DNAAF2: variants seen among roughly 807,000 people sequenced by gnomAD.
The protein encoded by DNAAF2 is dynein axonemal assembly factor 2.
DNAAF2 carries 58 observed loss-of-function variants against 48.8 expected under a neutral mutation model. The ratio of observed to expected loss-of-function variants is 1.19; its 90% CI spans 0.96 to 1.48. The LOEUF (loss-of-function observed/expected upper bound fraction) is 1.48. Ranked by LOEUF, DNAAF2 falls within the 40% of genes most tolerant of loss-of-function variation. The pLI, the probability that DNAAF2 is intolerant of heterozygous loss-of-function variation, is 0.00. For missense variants in DNAAF2, 1,241 were observed against 1,116.1 expected, an observed-to-expected ratio of 1.11 and a Z score of -1.59; for synonymous variants, 567 against 481.2, an observed-to-expected ratio of 1.18 and a Z score of -2.33.
intron 1 of DNAAF2, among the ~76,000 whole-genome samples, chr14:49,632,717 G>C (rs1380090483): frequency 6.6e-6 from 1 of 151,898 alleles, no homozygotes; most frequent in East Asian, 1.9e-4. Flanking sequence ...AAAGTGCTGG[G>C]ATTACAAGCG....
Position 49,634,328 on chromosome 14 carries a change from TGA to T in DNAAF2, c.820_821del (p.Ala275ProfsTer7), listed in dbSNP as rs1267718786. ...DLQDYRCSRD[S>X]APSPVPHELV... is the part of the protein sequence containing the mutation. ...GCTCATGGGGCACGGGGCTCGGGGC[TGA>T]GTCCCTGGAGCAGCGGTAATCCTGG... is the stretch of plus-strand genomic sequence containing the variant. On this transcript the variant is annotated frameshift_variant, in exon 1 of 3. Transcript: ENST00000298292. LOFTEE classifies it high-confidence loss of function. 1.2e-6 allele frequency: 2 copies of T among 1,611,416 alleles called. No individual in the cohort carries two copies. The highest frequency in any genetic ancestry group is 2.7e-5 in the African/African-American group (2 of 74,886).
Position 49,634,853 on chromosome 14 carries a change from G to C in DNAAF2, c.297C>G (p.Gly99=). The C allele has an allele frequency of 6.5e-7, 1 of 1,545,940 alleles. No homozygotes were observed. Among genetic ancestry groups the C allele is most frequent in the Non-Finnish European group, 8.7e-7 (1 of 1,145,598 alleles). The change falls in exon 1 of 3, where the codon GGC becomes GGG. Residue 99 remains glycine, a synonymous_variant. Coordinates refer to ENST00000298292, the MANE Select transcript of DNAAF2 (RefSeq NM_018139.3). ...CGGAGCCGGGCCGGCTGCTGGGCGCGCCCACCAACGCGTTGCTGCAGACAT... is the reference window on the plus strand; with the variant it reads ...CGGAGCCGGGCCGGCTGCTGGGCGCCCCCACCAACGCGTTGCTGCAGACAT... ...FVNVCSNALV[G]APSSRPGSGG...
Position 49,628,036 on chromosome 14 carries a change from A to G in DNAAF2, c.1983T>C (p.Asp661=). The G allele has an allele frequency of 6.4e-7, 1 of 1,570,172 alleles. No individual in the cohort carries two copies. The change falls in exon 2 of 3, where the codon GAT becomes GAC. Residue 661 remains aspartate, a synonymous_variant. Coordinates refer to ENST00000298292, the MANE Select transcript of DNAAF2 (RefSeq NM_018139.3). The part of the protein sequence containing the change: ...PPLIEVLQVT[D]NKIQINAKLQ... ...CCTTTGCATTAATTTGAATCTTATT[A>G]TCAGTAACTTGAAGAACTTCAATTA... is the stretch of plus-strand genomic sequence containing the variant.
At position 49,633,584 on chromosome 14, in the gene DNAAF2, A is replaced by G; in HGVS notation, c.1566T>C (p.Cys522=). ...TGTCCTGATTACACAGTAACGGAGG[A>G]CACAAAGGCTCCCCGCTCTTGGTCC... The part of the protein sequence containing the change: ...GPGTKSGEPL[C]PPLLCNQDKE... Residue 522 remains cysteine (C), a synonymous_variant, in exon 1 of 3, where the codon TGT becomes TGC. Coordinates refer to ENST00000298292, the MANE Select transcript of DNAAF2 (RefSeq NM_018139.3). 6.2e-7 allele frequency: 1 copy of G among 1,613,946 alleles called. No homozygotes were observed. The highest frequency in any genetic ancestry group is 8.5e-7 in the Non-Finnish European group (1 of 1,179,892).
Position 49,633,441 on chromosome 14 carries a change from A to G in DNAAF2, c.1709T>C (p.Phe570Ser). The G allele has an allele frequency of 1.2e-6, 2 of 1,614,084 alleles. No homozygotes were observed. The highest frequency in any genetic ancestry group is 1.7e-6 in the Non-Finnish European group (2 of 1,179,902). Residue 570 changes from phenylalanine (F) to serine (S), a missense_variant, in exon 1 of 3, where the codon TTC becomes TCC. By Grantham distance (155) the Phe-to-Ser change is radical. Transcript: ENST00000298292. ...ATTCTCTGGAGCAAATTGCAAAAAG[A>G]AGGAATAAACTAAGTCTTGTGCGGA... is the stretch of plus-strand genomic sequence containing the variant. ...RFSAQDLVYS[F>S]FLQFAPENKL...
In DNAAF2 at chr14:49,633,809, C is replaced by G; in HGVS notation, c.1341G>C (p.Pro447=). The part of the protein sequence containing the change: ...EQDLSRHAGS[P]PGSVEEPSPG... ...GAGATGGCTCCTCCACGCTGCCCGGCGGTGACCCCGCGTGCCTGCTCAAGT... is the reference window on the plus strand; with the variant it reads ...GAGATGGCTCCTCCACGCTGCCCGGGGGTGACCCCGCGTGCCTGCTCAAGT... The change falls in exon 1 of 3, where the codon CCG becomes CCC. Residue 447 remains proline, a synonymous_variant. Coordinates refer to ENST00000298292, the MANE Select transcript of DNAAF2 (RefSeq NM_018139.3). 1 of 1,587,094 alleles carries G rather than the reference C, an allele frequency of 6.3e-7. No individual in the cohort carries two copies. The highest frequency in any genetic ancestry group is 8.5e-7 in the Non-Finnish European group (1 of 1,174,022).
rs533083141 is a variant in DNAAF2, at chr14:49,634,787, C to T, written c.363G>A (p.Leu121=). The T allele has an allele frequency of 1.9e-6, 3 of 1,576,296 alleles. No individual in the cohort carries two copies. Among genetic ancestry groups the T allele is most frequent in the East Asian group, 4.6e-5 (2 of 43,224 alleles). Residue 121 remains leucine (L), a synonymous_variant, in exon 1 of 3, where the codon CTG becomes CTA. Transcript: ENST00000298292. Reference sequence around the variant, plus strand: ...CGCGGCCGGGCGCCAGGCTGTAGGGCAGGGACCAGTGGCTGCCAGGAGCTG... The same window carrying T: ...CGCGGCCGGGCGCCAGGCTGTAGGGTAGGGACCAGTGGCTGCCAGGAGCTG... ...RGAAPGSHWS[L]PYSLAPGREY...
At position 49,634,876 on chromosome 14, in the gene DNAAF2, C is replaced by G. The variant is rs1416652175; in HGVS notation, c.274G>C (p.Val92Leu). Residue 92 changes from valine (V) to leucine (L), a missense_variant, in exon 1 of 3, where the codon GTC becomes CTC. Coordinates refer to ENST00000298292, the MANE Select transcript of DNAAF2 (RefSeq NM_018139.3). ...LDGARRCFVN[V>L]CSNALVGAPS... ...GCGCCCACCAACGCGTTGCTGCAGA[C>G]ATTCACAAAGCAGCGCCGCGCCCCG... is the stretch of plus-strand genomic sequence containing the variant. The G allele has an allele frequency of 6.5e-6, 10 of 1,549,068 alleles. No homozygotes were observed. The highest frequency in any genetic ancestry group is 2.0e-5 in the Admixed American group (1 of 50,958).
At chr14:49,631,807 C>T (rs1274197405) in intron 1 of DNAAF2, among the ~76,000 whole-genome samples, 9 of 152,164 alleles carry the variant, frequency 5.9e-5, no homozygotes, top group African/African-American at 2.2e-4. Context: ...TTGAAAGCCA[C>T]ATAACAGTCT....
Position 49,632,974 on chromosome 14 carries a change from T to C in DNAAF2, c.1863+313A>G, listed in dbSNP as rs1184102948. On this transcript the variant is annotated intron_variant, in intron 1 of 2. Coordinates refer to ENST00000298292, the MANE Select transcript of DNAAF2 (RefSeq NM_018139.3). The stretch of plus-strand genomic sequence containing the variant: ...TCTCCCTCTGTCGCCCAGGCTAGAG[T>C]GCAGTGGCGCGATCTTGGCTCACTG... Among the ~76,000 whole-genome samples, 3 of 151,872 alleles carry C rather than the reference T, an allele frequency of 2.0e-5. No homozygotes were observed. The East Asian group carries it at 5.8e-4, about 29-fold the overall frequency.
In DNAAF2 at chr14:49,634,527, A is replaced by AC; in HGVS notation, c.622dup (p.Val208GlyfsTer7). 2.5e-6 allele frequency: 4 copies of AC among 1,601,548 alleles called. No homozygotes were observed. Among genetic ancestry groups the AC allele is most frequent in the Middle Eastern group, 1.7e-4 (1 of 6,022 alleles). ...CTCCCCGTCAGGCCTTGCGGGGATG[A>AC]CCCCGGGCAGGGGCGTGCGCAGCAC... On this transcript the variant is annotated frameshift_variant, in exon 1 of 3. Coordinates refer to ENST00000298292, the MANE Select transcript of DNAAF2 (RefSeq NM_018139.3). LOFTEE classifies it high-confidence loss of function.
At position 49,634,836 on chromosome 14, in the gene DNAAF2, G is replaced by T. The variant is rs1291976464; in HGVS notation, c.314C>A (p.Pro105His). 5.8e-6 allele frequency: 9 copies of T among 1,545,630 alleles called. No individual in the cohort carries two copies. The highest frequency in any genetic ancestry group is 6.1e-6 in the Non-Finnish European group (7 of 1,146,322). ...TGCGCCCCGGTCGCCACCGGAGCCG[G>T]GCCGGCTGCTGGGCGCGCCCACCAA... ...NALVGAPSSRPGSGGDRGAAP... is the reference protein window; with the variant it reads ...NALVGAPSSRHGSGGDRGAAP... Residue 105 changes from proline to histidine, a missense_variant, in exon 1 of 3, where the codon CCC (proline) becomes CAC (histidine). Coordinates refer to ENST00000298292, the MANE Select transcript of DNAAF2 (RefSeq NM_018139.3).
In DNAAF2 at chr14:49,634,320, C is replaced by A. The variant is rs758192511; in HGVS notation, c.830G>T (p.Ser277Ile). The A allele has an allele frequency of 6.2e-7, 1 of 1,611,828 alleles. No individual in the cohort carries two copies. ...GATCACCAGCTCATGGGGCACGGGG[C>A]TCGGGGCTGAGTCCCTGGAGCAGCG... ...DYRCSRDSAPSPVPHELVITI... is the reference protein window; with the variant it reads ...DYRCSRDSAPIPVPHELVITI... Residue 277 changes from serine (S) to isoleucine (I), a missense_variant, in exon 1 of 3, where the codon AGC becomes ATC. Transcript: ENST00000298292.
At chr14:49,630,923 G>A (rs148462883) in intron 1 of DNAAF2, among the ~76,000 whole-genome samples, 4 of 152,090 alleles carry the variant, frequency 2.6e-5, no homozygotes, top group African/African-American at 9.6e-5. Context: ...GCTAATTTTT[G>A]TATTTTTAGT....
Position 49,626,749 on chromosome 14 carries a change from A to C in DNAAF2, c.2008-701T>G, listed in dbSNP as rs115548238. Among the ~76,000 whole-genome samples, 447 of 149,936 alleles carry C rather than the reference A, an allele frequency of 3.0e-3. 4 individuals carry two copies. The highest frequency in any genetic ancestry group is 0.011 in the African/African-American group (427 of 40,426). On this transcript the variant is annotated intron_variant, in intron 2 of 2. Transcript: ENST00000298292. ...GAACTCCTGACCTCAAATGATCCAC[A>C]AAGTGCTGGGATTACAGGTATGAGC... is the stretch of plus-strand genomic sequence containing the variant.
Position 49,634,428 on chromosome 14 carries a change from G to T in DNAAF2, c.722C>A (p.Pro241His). ...GGCGGGCTGCAAGGCCGCTTCCGGAGGGGAGGGCGCCCGGGGCCCGGGGGC... is the reference window on the plus strand; with the variant it reads ...GGCGGGCTGCAAGGCCGCTTCCGGATGGGAGGGCGCCCGGGGCCCGGGGGC... Reference protein sequence around the residue: ...PAAPGPRAPSPPEAALQPAPT... With the variant: ...PAAPGPRAPSHPEAALQPAPT... The change falls in exon 1 of 3, where the codon CCT becomes CAT. Residue 241 changes from proline to histidine, a missense_variant. Transcript: ENST00000298292. 1 of 1,566,348 alleles carries T rather than the reference G, an allele frequency of 6.4e-7. No individual in the cohort carries two copies. Among genetic ancestry groups the T allele is most frequent in the East Asian group, 2.3e-5 (1 of 43,176 alleles).
rs1215716302 is a variant in DNAAF2 at position 49,634,989 on chromosome 14, G to C, written c.161C>G (p.Ala54Gly). The change falls in exon 1 of 3, where the codon GCG becomes GGG. Residue 54 changes from alanine (A) to glycine (G), a missense_variant. Physicochemically the swap from Ala to Gly is moderately conservative, Grantham distance 60 (BLOSUM62 0). Transcript: ENST00000298292. ...CTCACGCTCTAGCGCGGTGATCTCC[G>C]CCTCGTAGCGCCGCCGGTTCTCCGG... is the stretch of plus-strand genomic sequence containing the variant. ...TDPENRRRYEAEITALERERG... is the reference protein window; with the variant it reads ...TDPENRRRYEGEITALERERG... 18 of 1,563,346 alleles carry C rather than the reference G, an allele frequency of 1.2e-5. No individual in the cohort carries two copies. Among genetic ancestry groups the C allele is most frequent in the Non-Finnish European group, 1.6e-5 (18 of 1,154,248 alleles).
Position 49,633,328 on chromosome 14 carries a change from A to G in DNAAF2, c.1822T>C (p.Trp608Arg). 6.2e-7 allele frequency: 1 copy of G among 1,614,046 alleles called. No homozygotes were observed. Among genetic ancestry groups the G allele is most frequent in the South Asian group, 1.1e-5 (1 of 91,088 alleles). The stretch of plus-strand genomic sequence containing the variant: ...TTTACACCATAATACCACTCTCTCC[A>G]ATGTCCATGGCTCTCTGGAGATTTT... ...LAKSPESHGH[W>R]REWYYGVNND... The change falls in exon 1 of 3, where the codon TGG (tryptophan) becomes CGG (arginine). Residue 608 changes from tryptophan to arginine, a missense_variant. Coordinates refer to ENST00000298292, the MANE Select transcript of DNAAF2 (RefSeq NM_018139.3).
Position 49,633,438 on chromosome 14 carries a change from A to C in DNAAF2, c.1712T>G (p.Phe571Cys), listed in dbSNP as rs950904740. The change falls in exon 1 of 3, where the codon TTT (phenylalanine) becomes TGT (cysteine). Residue 571 changes from phenylalanine to cysteine, a missense_variant. By Grantham distance (205) the Phe-to-Cys change is radical. Coordinates refer to ENST00000298292, the MANE Select transcript of DNAAF2 (RefSeq NM_018139.3). Reference protein sequence around the residue: ...FSAQDLVYSFFLQFAPENKLS... With the variant: ...FSAQDLVYSFCLQFAPENKLS... Reference sequence around the variant, plus strand: ...TTTATTCTCTGGAGCAAATTGCAAAAAGAAGGAATAAACTAAGTCTTGTGC... The same window carrying C: ...TTTATTCTCTGGAGCAAATTGCAAACAGAAGGAATAAACTAAGTCTTGTGC... 2 of 1,614,040 alleles carry C rather than the reference A, an allele frequency of 1.2e-6. No individual in the cohort carries two copies. Among genetic ancestry groups the C allele is most frequent in the Non-Finnish European group, 1.7e-6 (2 of 1,179,890 alleles).
Sources: allele counts gnomAD v4.1 joint callset (sites outside exome capture counted in the v4.1 genomes callset), GRCh38; gene constraint gnomAD v4.1.1; transcripts MANE v1.5; gene names NCBI Gene and HGNC (gene_info 2026-07-23, HGNC 2026-07-21).